Variants in EPX observed in about 807,000 individuals in gnomAD.
EPX encodes the protein eosinophil peroxidase.
Under a neutral mutation model 73.0 loss-of-function variants are expected in EPX, and 60 were observed. The ratio of observed to expected loss-of-function variants is 0.82; its 90% CI spans 0.67 to 1.02. The LOEUF is 1.02. Among genes scored for constraint, EPX ranks in the 50% least tolerant of loss-of-function variants. The probability of loss-of-function intolerance (pLI) is 0.00; values close to 1 mark genes in which losing one functional copy is unlikely to be tolerated. For missense variants in EPX, 950 were observed against 973.9 expected (o/e 0.98, Z 0.33); for synonymous variants, 347 against 389.2 (o/e 0.89, Z 1.28).
At chr17:58,195,698 T>TCACA (rs35352002) in intron 6 of EPX, among the ~76,000 whole-genome samples, 2 of 151,458 alleles carry the variant, frequency 1.3e-5, no homozygotes, top group African/African-American at 4.9e-5. Flanking sequence ...ACACACTCTC[T>TCACA]CACACACACA....
rs1262415991 is a variant in EPX, at chr17:58,199,894, G to A, written c.1537+100G>A. 2.3e-6 allele frequency: 3 copies of A among 1,302,490 alleles called. No individual in the cohort carries two copies. The African/African-American group carries it at 4.4e-5, about 19-fold the overall frequency. 80.7% of individuals were successfully genotyped at this position (1,302,490 alleles called of 1,614,324 possible). A position where few individuals can be genotyped will look rare whatever the true frequency, so the allele number is the denominator to read the frequency against. On this transcript the variant is annotated intron_variant, in intron 9 of 12. Transcript: ENST00000225371. The stretch of plus-strand genomic sequence containing the variant: ...TGCCAGGAAGCCAGGCTGCTGCAGA[G>A]GCCACTGCTAATATCTCCCCAGGAC...
At position 58,204,435 on chromosome 17, in the gene EPX, G is replaced by GT. The variant is rs764465736; in HGVS notation, c.*11+2dup. 1 of 1,602,918 alleles carries GT rather than the reference G, an allele frequency of 6.2e-7. No individual in the cohort carries two copies. Among genetic ancestry groups the GT allele is most frequent in the Non-Finnish European group, 8.5e-7 (1 of 1,170,062 alleles). The stretch of plus-strand genomic sequence containing the variant: ...GGCGAGGGACATGAGGCTTCTGCAG[G>GT]TAAGGGGAGGCCACCTCCAGCACCC... On this transcript the variant is annotated splice_donor_variant, in intron 12 of 12. Transcript: ENST00000225371. LOFTEE classifies it low-confidence loss of function (3UTR_SPLICE).
chr17:58,193,353 T>C lies in EPX; in HGVS notation c.171-18T>C, dbSNP rs1383988815. The C allele has an allele frequency of 1.2e-6, 2 of 1,613,858 alleles. No individual in the cohort carries two copies. Among genetic ancestry groups the C allele is most frequent in the South Asian group, 1.1e-5 (1 of 91,076 alleles). On this transcript the variant is annotated intron_variant, in intron 2 of 12. Coordinates refer to ENST00000225371, the MANE Select transcript of EPX (RefSeq NM_000502.6). ...TCTGCACCCTCTCTCCAGCCCTCAC[T>C]CCTCCTCTCCTGGGCAGCATCAAGC...
intron 6 of EPX, among the ~76,000 whole-genome samples, chr17:58,195,850 C>T (rs1246643158): frequency 6.6e-6 from 1 of 152,094 alleles, no homozygotes; most frequent in Admixed American, 6.5e-5. Flanking sequence ...TTCCTCAATC[C>T]CTGGCTTAGG....
rs2143704472 is a variant in EPX at position 58,193,816 on chromosome 17, G to C, written c.449G>C (p.Gly150Ala). The C allele has an allele frequency of 6.2e-7, 1 of 1,613,046 alleles. No individual in the cohort carries two copies. The highest frequency in any genetic ancestry group is 8.5e-7 in the Non-Finnish European group (1 of 1,179,206). Residue 150 changes from glycine to alanine, a missense_variant, in exon 4 of 13, where the codon GGA (glycine) becomes GCA (alanine). Gly to Ala is a moderately conservative substitution (Grantham distance 60). Coordinates refer to ENST00000225371, the MANE Select transcript of EPX (RefSeq NM_000502.6). ...RCSDKYRTIT[G>A]RCNNKRRPLL... Reference sequence around the variant, plus strand: ...AGCGACAAGTACCGCACCATCACTGGACGGTGCAACAACAAGTGCGTGCGG... The same window carrying C: ...AGCGACAAGTACCGCACCATCACTGCACGGTGCAACAACAAGTGCGTGCGG...
At chr17:58,198,283 A>T (rs1039698831) in intron 7 of EPX, among the ~76,000 whole-genome samples, 6 of 152,224 alleles carry the variant, frequency 3.9e-5, no homozygotes, top group Non-Finnish European at 8.8e-5. Flanking sequence ...TTCAAATGAC[A>T]GAGTCCACTT....
At position 58,197,152 on chromosome 17, in the gene EPX, C is replaced by A. The variant is rs770604305; in HGVS notation, c.1015C>A (p.Gln339Lys). 1 of 1,614,172 alleles carries A rather than the reference C, an allele frequency of 6.2e-7. No individual in the cohort carries two copies. The highest frequency in any genetic ancestry group is 8.5e-7 in the Non-Finnish European group (1 of 1,180,036). ...CTACCTGGGGCTGCTGGCCATCAACCAGCGCTTTCAAGACAACGGCCGGGC... is the reference window on the plus strand; with the variant it reads ...CTACCTGGGGCTGCTGGCCATCAACAAGCGCTTTCAAGACAACGGCCGGGC... Reference protein sequence around the residue: ...TNYLGLLAINQRFQDNGRALL... With the variant: ...TNYLGLLAINKRFQDNGRALL... The change falls in exon 7 of 13, where the codon CAG (glutamine) becomes AAG (lysine). Residue 339 changes from glutamine to lysine, a missense_variant. By Grantham distance (53) the Gln-to-Lys change is moderately conservative. Coordinates refer to ENST00000225371, the MANE Select transcript of EPX (RefSeq NM_000502.6).
intron 11 of EPX, 68 bp from the exon 12 acceptor site, chr17:58,204,154 C>T: frequency 1.9e-6 from 2 of 1,058,416 alleles, no homozygotes; most frequent in South Asian, 2.5e-5. Context: ...GTACCTGGCA[C>T]ACAACAGGTG....
rs1443210555 is a variant in EPX at position 58,204,298 on chromosome 17, A to G, written c.2023A>G (p.Ile675Val). 1.9e-6 allele frequency: 3 copies of G among 1,613,764 alleles called. No homozygotes were observed. Among genetic ancestry groups the G allele is most frequent in the Non-Finnish European group, 2.5e-6 (3 of 1,179,778 alleles). The change falls in exon 12 of 13, where the codon ATA becomes GTA. Residue 675 changes from isoleucine (I) to valine (V), a missense_variant. Ile to Val is a conservative substitution (Grantham distance 29). Coordinates refer to ENST00000225371, the MANE Select transcript of EPX (RefSeq NM_000502.6). ...ALSRISLSRI[I>V]CDNTGITTVS... ...GAGCAGAATTTCCTTGTCTCGAATT[A>G]TATGTGACAATACCGGTATCACCAC...
At chr17:58,197,961 G>A (rs1597967323) in intron 7 of EPX, among the ~76,000 whole-genome samples, 1 of 152,010 alleles carries the variant, frequency 6.6e-6, no homozygotes. Context: ...TCAGCCTCCC[G>A]AGTAGCTGGA....
intron 2 of EPX, 106 bp downstream of exon 2, chr17:58,193,237 T>C: frequency 2.4e-6 from 3 of 1,236,514 alleles, no homozygotes; most frequent in Non-Finnish European, 3.6e-6. Flanking sequence ...CCCATGAACA[T>C]TTCCTGTTGG....
rs573827983 is a variant in EPX, at chr17:58,197,227, C to G, written c.1090C>G (p.Arg364Gly). Residue 364 changes from arginine to glycine, a missense_variant, in exon 7 of 13, where the codon CGC (arginine) becomes GGC (glycine). Arg to Gly is a moderately radical substitution (Grantham distance 125). Transcript: ENST00000225371. ...CGATGACCCCTGTCTCCTCACCAAC[C>G]GCTCGGCGCGCATCCCCTGCTTCCT... Reference protein sequence around the residue: ...LHDDPCLLTNRSARIPCFLAG... With the variant: ...LHDDPCLLTNGSARIPCFLAG... The G allele has an allele frequency of 7.4e-6, 12 of 1,612,868 alleles. No individual in the cohort carries two copies. The Admixed American group carries it at 8.3e-5, about 11-fold the overall frequency.
At position 58,194,960 on chromosome 17, in the gene EPX, C is replaced by T; in HGVS notation, c.595-4C>T. The T allele has an allele frequency of 6.2e-7, 1 of 1,612,848 alleles. No individual in the cohort carries two copies. The highest frequency in any genetic ancestry group is 1.3e-5 in the African/African-American group (1 of 75,018). ...GTCCCGTGCTGATGTTATTTCCCCA[C>T]CAGGTCCGGGCTGTCTCCAACCAGA... On this transcript the variant is annotated splice_region_variant and splice_polypyrimidine_tract_variant and intron_variant, in intron 5 of 12. Transcript: ENST00000225371.
intron 8 of EPX, 34 bp from the exon 9 acceptor site, chr17:58,199,505 C>T: frequency 6.2e-7 from 1 of 1,613,354 alleles, no homozygotes; most frequent in Non-Finnish European, 8.5e-7. Flanking sequence ...GGTGAGTAGC[C>T]TCTGGGGAAT....
In EPX at chr17:58,192,931, C is replaced by A. The variant is rs1181419127; in HGVS notation, c.76+9C>A. On this transcript the variant is annotated intron_variant, in intron 1 of 12. Coordinates refer to ENST00000225371, the MANE Select transcript of EPX (RefSeq NM_000502.6). ...TGAGGGCACTGACCCAGGTAATAGT[C>A]CCCTAGACAGGCAAGGAGGAGGGAG... 6 of 1,613,028 alleles carry A rather than the reference C, an allele frequency of 3.7e-6. No individual in the cohort carries two copies. The highest frequency in any genetic ancestry group is 5.1e-6 in the Non-Finnish European group (6 of 1,179,074).
At chr17:58,196,418 T>A in intron 6 of EPX, among the ~76,000 whole-genome samples, 1 of 152,206 alleles carries the variant, frequency 6.6e-6, no homozygotes, top group Non-Finnish European at 1.5e-5. Context: ...CACATATGGC[T>A]TTTCTATCAA....
chr17:58,193,809 A>G lies in EPX; in HGVS notation c.442A>G (p.Ile148Val), dbSNP rs1265345745. The G allele has an allele frequency of 1.9e-6, 3 of 1,611,756 alleles. No homozygotes were observed. The highest frequency in any genetic ancestry group is 1.7e-6 in the Non-Finnish European group (2 of 1,178,220). ...GCGCTGCAGCGACAAGTACCGCACC[A>G]TCACTGGACGGTGCAACAACAAGTG... ...AERCSDKYRTITGRCNNKRRP... is the reference protein window; with the variant it reads ...AERCSDKYRTVTGRCNNKRRP... The change falls in exon 4 of 13, where the codon ATC becomes GTC. Residue 148 changes from isoleucine (I) to valine (V), a missense_variant. Physicochemically the swap from Ile to Val is conservative, Grantham distance 29 (BLOSUM62 3). Coordinates refer to ENST00000225371, the MANE Select transcript of EPX (RefSeq NM_000502.6).
intron 8 of EPX, 44 bp downstream of exon 8, chr17:58,199,244 G>A (rs1597967858): frequency 2.5e-6 from 4 of 1,596,902 alleles, no homozygotes; most frequent in Non-Finnish European, 2.6e-6. Context: ...GACAAGCTTG[G>A]CATGAGAAGC....
intron 7 of EPX, 33 bp from the exon 8 acceptor site, chr17:58,199,007 G>T (rs770875009): frequency 4.3e-6 from 7 of 1,610,562 alleles, no homozygotes; most frequent in Non-Finnish European, 5.9e-6. Flanking sequence ...CTCTGGGAAA[G>T]GCTGCAGTAA....
Sources: allele counts gnomAD v4.1 joint callset (sites outside exome capture counted in the v4.1 genomes callset), GRCh38; gene constraint gnomAD v4.1.1; transcripts MANE v1.5; gene names NCBI Gene and HGNC (gene_info 2026-07-23, HGNC 2026-07-21).